The following GDF5 variants were observed in gnomAD, a reference collection of about 807,000 sequenced individuals.
The protein encoded by GDF5 is growth differentiation factor 5.
In GDF5, 17 loss-of-function variants were observed where a neutral mutation model predicts 34.6. The observed-to-expected ratio is 0.49, with a 90% CI of 0.34 to 0.74. GDF5 has a LOEUF of 0.74. GDF5 is among the 30% of genes least tolerant of loss of function. The pLI is 0.01. For synonymous variants in GDF5, 332 were observed against 290.7 expected, an observed-to-expected ratio of 1.14 and a Z score of -1.44; for missense variants, 616 against 661.2, an observed-to-expected ratio of 0.93 and a Z score of 0.75.
chr20:35,438,259 G>C (rs1033745622), upstream of GDF5: 1 of 374,402 alleles, frequency 2.7e-6, no homozygotes. Flanking sequence ...CTTGTATAAG[G>C]CTGAGGGATT....
At chr20:35,447,442 C>T (rs532434942) in intron 1 of GDF5, among the ~76,000 whole-genome samples, 20 of 152,258 alleles carry the variant, frequency 1.3e-4, no homozygotes, top group African/African-American at 4.8e-4. Flanking sequence ...GGCCTTCTGT[C>T]CATAAGTCAA....
At chr20:35,453,932 T>G (rs1377313353) in intron 1 of GDF5, 1 of 534,448 alleles carries the variant, frequency 1.9e-6, no homozygotes, top group Non-Finnish European at 3.8e-6. Context: ...GCTCACAATC[T>G]CATGCAGCGC....
At chr20:35,452,580 G>A (rs950769118) in intron 1 of GDF5, among the ~76,000 whole-genome samples, 2 of 152,008 alleles carry the variant, frequency 1.3e-5, no homozygotes, top group African/African-American at 4.8e-5. Context: ...GCGCCACCAC[G>A]CCTAGCTAAT....
chr20:35,438,766 A>G (rs2062486452), upstream of GDF5, among the ~76,000 whole-genome samples: 4 of 151,466 alleles, frequency 2.6e-5, no homozygotes, highest in South Asian at 8.3e-4. Flanking sequence ...TTAAGTTCTT[A>G]GAGTGTTTTT....
chr20:35,442,925 A>G (rs2146587441), upstream of GDF5, among the ~76,000 whole-genome samples: 1 of 152,316 alleles, frequency 6.6e-6, no homozygotes, highest in East Asian at 1.9e-4. Flanking sequence ...TGGCTTCAAC[A>G]CATTTTATAC....
intron 1 of GDF5, among the ~76,000 whole-genome samples, chr20:35,436,531 A>T (rs1285332518): frequency 1.3e-5 from 2 of 152,178 alleles, no homozygotes; most frequent in South Asian, 4.1e-4. Context: ...CAGCAAGTGG[A>T]GAGGAAAAGC....
rs2062453479 is a variant in GDF5, at chr20:35,433,776, A to T, written c.*133T>A. The T allele has an allele frequency of 6.1e-6, 5 of 826,128 alleles. No individual in the cohort carries two copies. The highest frequency in any genetic ancestry group is 1.7e-5 in the Admixed American group (1 of 57,970). 51.2% of individuals were successfully genotyped at this position (826,128 alleles called of 1,614,324 possible). A position where few individuals can be genotyped will look rare whatever the true frequency, so the allele number is the denominator to read the frequency against. On this transcript the variant is annotated 3_prime_UTR_variant, in exon 2 of 2. Transcript: ENST00000374369. ...CCAAGTCACACTCAGAGAGCGAGCA[A>T]GCTTATTGGAATCCCCTTTCACCCA...
At chr20:35,435,451 A>T (rs956214768) in intron 1 of GDF5, 6 of 3,182 alleles carry the variant, frequency 1.9e-3, no homozygotes, top group South Asian at 8.8e-3. Context: ...GACCCTGGCT[A>T]AAAAAAAAAA....
intron 1 of GDF5, among the ~76,000 whole-genome samples, chr20:35,443,885 A>C (rs2062506030): frequency 6.6e-6 from 1 of 152,064 alleles, no homozygotes; most frequent in Middle Eastern, 3.2e-3. Context: ...AATAATAATA[A>C]TCCCTTTTTC....
At chr20:35,439,290 T>C (rs571528057), upstream of GDF5, among the ~76,000 whole-genome samples, 12 of 149,152 alleles carry the variant, frequency 8.0e-5, no homozygotes, top group South Asian at 2.2e-4. Context: ...TGCAGTGGCA[T>C]GATCTCAGCT....
At chr20:35,446,003 A>G (rs1466746647) in intron 1 of GDF5, among the ~76,000 whole-genome samples, 1 of 149,694 alleles carries the variant, frequency 6.7e-6, no homozygotes, top group African/African-American at 2.5e-5. Flanking sequence ...AAATAAAAAT[A>G]AAACAATAAA....
Position 35,435,090 on chromosome 20 carries a change from C to T in GDF5, c.632-307G>A. 9.9e-6 allele frequency: 6 copies of T among 606,782 alleles called. No individual in the cohort carries two copies. The South Asian group carries it at 1.3e-4, about 13-fold the overall frequency. The allele number at this position is 606,782 out of a possible 1,614,324, so 37.6% of individuals were successfully genotyped here. A position where few individuals can be genotyped will look rare whatever the true frequency, so the allele number is the denominator to read the frequency against. ...TATCAGCTTTGTAACTGCCTTCTAC[C>T]TATCTCTCTCCCAGCCATGAGCTAA... is the stretch of plus-strand genomic sequence containing the variant. On this transcript the variant is annotated intron_variant, in intron 1 of 1. Coordinates refer to ENST00000374369, the MANE Select transcript of GDF5 (RefSeq NM_000557.5).
chr20:35,434,084 G>A lies in GDF5; in HGVS notation c.1331C>T (p.Thr444Met), dbSNP rs374695108. 2.5e-6 allele frequency: 4 copies of A among 1,614,152 alleles called. No individual in the cohort carries two copies. The highest frequency in any genetic ancestry group is 3.4e-6 in the Non-Finnish European group (4 of 1,179,982). ...EFPLRSHLEPTNHAVIQTLMN... is the reference protein window; with the variant it reads ...EFPLRSHLEPMNHAVIQTLMN... ...CAGGGTCTGGATGACTGCATGATTC[G>A]TGGGCTCCAGGTGGGAGCGCAATGG... is the stretch of plus-strand genomic sequence containing the variant. Residue 444 changes from threonine to methionine, a missense_variant, in exon 2 of 2, where the codon ACG becomes ATG. Coordinates refer to ENST00000374369, the MANE Select transcript of GDF5 (RefSeq NM_000557.5).
chr20:35,443,339 TTAA>T (rs2062504153), intron 1 of GDF5, among the ~76,000 whole-genome samples: 2 of 152,056 alleles, frequency 1.3e-5, no homozygotes, highest in East Asian at 3.8e-4. Context: ...GTCAGCAATA[TTAA>T]TGTCAAACTT....
chr20:35,435,879 C>T (rs530917859), intron 1 of GDF5, among the ~76,000 whole-genome samples: 2 of 152,156 alleles, frequency 1.3e-5, no homozygotes, highest in South Asian at 4.1e-4. Flanking sequence ...TTGAAGAGCA[C>T]ATATATGTCT....
chr20:35,433,924 C>T lies in GDF5; in HGVS notation c.1491G>A (p.Ser497=), dbSNP rs758791230. Reference sequence around the variant, plus strand: ...GCCAGTGCTGCTACCTGCAGCCACACGACTCCACGACCATGTCCTCATACT... The same window carrying T: ...GCCAGTGCTGCTACCTGCAGCCACATGACTCCACGACCATGTCCTCATACT... ...YKQYEDMVVE[S]CGCR The change falls in exon 2 of 2, where the codon TCG becomes TCA. Residue 497 remains serine (S), a synonymous_variant. Transcript: ENST00000374369. 79 of 1,613,728 alleles carry T rather than the reference C, an allele frequency of 4.9e-5. No homozygotes were observed. The highest frequency in any genetic ancestry group is 1.3e-4 in the Admixed American group (8 of 60,002).
At position 35,437,435 on chromosome 20, in the gene GDF5, G is replaced by C. The variant is rs538869688; in HGVS notation, c.494C>G (p.Pro165Arg). Residue 165 changes from proline (P) to arginine (R), a missense_variant, in exon 1 of 2, where the codon CCC becomes CGC. Pro to Arg is a moderately radical substitution (Grantham distance 103). Coordinates refer to ENST00000374369, the MANE Select transcript of GDF5 (RefSeq NM_000557.5). ...CATGTACTCGTGGGGTGTGATGGGG[G>C]GTGGGCGAAACGGCTCCTTGGGCTC... is the stretch of plus-strand genomic sequence containing the variant. ...PREPKEPFRP[P>R]PITPHEYMLS... 3 of 1,613,744 alleles carry C rather than the reference G, an allele frequency of 1.9e-6. No individual in the cohort carries two copies. The highest frequency in any genetic ancestry group is 2.5e-6 in the Non-Finnish European group (3 of 1,179,772).
At chr20:35,447,566 C>G (rs2062517984) in intron 1 of GDF5, among the ~76,000 whole-genome samples, 1 of 151,992 alleles carries the variant, frequency 6.6e-6, no homozygotes, top group Non-Finnish European at 1.5e-5. Context: ...ATAAAATAAC[C>G]ACATGTTTTA....
At chr20:35,450,880 T>C (rs968987467) in intron 1 of GDF5, among the ~76,000 whole-genome samples, 2 of 151,680 alleles carry the variant, frequency 1.3e-5, no homozygotes, top group Non-Finnish European at 2.9e-5. Context: ...CCTAGTCACT[T>C]GGTTTGAGCG....
Sources: gnomAD v4.1 joint callset for allele counts (sites outside exome capture counted in the v4.1 genomes callset) on GRCh38, gnomAD v4.1.1 for gene constraint, MANE v1.5 for transcripts, NCBI Gene and HGNC (gene_info 2026-07-23, HGNC 2026-07-21) for gene names.